The following UBP1 variants were observed in gnomAD, a reference collection of about 807,000 sequenced individuals.
UBP1 encodes the protein upstream-binding protein 1.
UBP1 carries 22 observed loss-of-function variants against 76.1 expected under a neutral mutation model. The observed-to-expected ratio is 0.29, with a 90% CI of 0.21 to 0.41. UBP1 has a LOEUF of 0.41. Among genes scored for constraint, UBP1 ranks in the 10% least tolerant of loss-of-function variants. The pLI is 1.00. For missense variants in UBP1, 436 were observed against 668.1 expected (o/e 0.65, Z 3.83); for synonymous variants, 224 against 237.1 (o/e 0.94, Z 0.51).
At chr3:33,402,720 C>T in intron 9 of UBP1, 81 bp downstream of exon 9, 1 of 1,012,864 alleles carries the variant, frequency 9.9e-7, no homozygotes, top group South Asian at 2.0e-5. Context: ...AAACAAAAGG[C>T]TGCTGTACAT....
At chr3:33,394,740 C>T (rs2043901732) in intron 13 of UBP1, among the ~76,000 whole-genome samples, 1 of 150,094 alleles carries the variant, frequency 6.7e-6, no homozygotes, top group African/African-American at 2.5e-5. Context: ...ACTAAAATTA[C>T]AGTAAGAATA....
chr3:33,394,032 T>C (rs1426724655), intron 13 of UBP1, among the ~76,000 whole-genome samples: 3 of 152,012 alleles, frequency 2.0e-5, no homozygotes, highest in Non-Finnish European at 4.4e-5. Flanking sequence ...TGTTTATTTT[T>C]TTAAGACAGT....
Position 33,402,861 on chromosome 3 carries a change from C to A in UBP1, c.971G>T (p.Ser324Ile), listed in dbSNP as rs1479615225. Residue 324 changes from serine (S) to isoleucine (I), a missense_variant, in exon 9 of 16, where the codon AGC (serine) becomes ATC (isoleucine). Transcript: ENST00000283629. ...PDAPTAYVNN[S>I]PSPAPTFTSP... is the part of the protein sequence containing the mutation. ...GGTGAAAGTGGGCGCTGGGGAAGGG[C>A]TGTTATTCACATAGGCTGTGGGGGC... 1.9e-6 allele frequency: 3 copies of A among 1,610,100 alleles called. No homozygotes were observed. Among genetic ancestry groups the A allele is most frequent in the East Asian group, 4.5e-5 (2 of 44,726 alleles).
At chr3:33,395,331 T>C (rs1454307896) in intron 13 of UBP1, among the ~76,000 whole-genome samples, 5 of 135,646 alleles carry the variant, frequency 3.7e-5, no homozygotes, top group African/African-American at 3.0e-5. Flanking sequence ...TTAACACATC[T>C]TTTTTTTTTT....
At chr3:33,395,156 ATACT>A (rs1192332362) in intron 13 of UBP1, among the ~76,000 whole-genome samples, 1 of 152,194 alleles carries the variant, frequency 6.6e-6, no homozygotes, top group Non-Finnish European at 1.5e-5. Flanking sequence ...AAGAATTTGT[ATACT>A]TAATCTCAAA....
Sources: allele counts gnomAD v4.1 joint callset (sites outside exome capture counted in the v4.1 genomes callset), GRCh38; gene constraint gnomAD v4.1.1; transcripts MANE v1.5; gene names NCBI Gene and HGNC (gene_info 2026-07-23, HGNC 2026-07-21).